Variants in ANKRD12 observed in about 807,000 individuals in gnomAD.
ANKRD12 encodes the protein ankyrin repeat domain 12.
Under a neutral mutation model 183.4 loss-of-function variants are expected in ANKRD12, and 85 were observed. The observed-to-expected ratio is 0.46, with a 90% CI of 0.39 to 0.56. ANKRD12 has a LOEUF of 0.56. Ranked by LOEUF, ANKRD12 falls within the 20% of genes least tolerant of loss-of-function variation. The pLI, the probability that ANKRD12 is intolerant of heterozygous loss-of-function variation, is 0.00. For missense variants in ANKRD12, 2,405 were observed against 2,357.1 expected, an observed-to-expected ratio of 1.02 and a Z score of -0.42; for synonymous variants, 914 against 800.2, an observed-to-expected ratio of 1.14 and a Z score of -2.40.
chr18:9,177,513 A>G (rs1037470502), intron 1 of ANKRD12, among the ~76,000 whole-genome samples: 4 of 152,164 alleles, frequency 2.6e-5, no homozygotes, highest in African/African-American at 9.7e-5. Flanking sequence ...TAGAACATGT[A>G]ATGATCGAGT....
chr18:9,145,400 T>G (rs1391098443), intron 1 of ANKRD12, among the ~76,000 whole-genome samples: 1 of 152,228 alleles, frequency 6.6e-6, no homozygotes, highest in African/African-American at 2.4e-5. Flanking sequence ...AAGATACAAG[T>G]GAAGGCAATA....
chr18:9,216,910 A>G lies in ANKRD12; in HGVS notation c.795+10A>G. On this transcript the variant is annotated intron_variant, in intron 7 of 12. Transcript: ENST00000262126. Reference sequence around the variant, plus strand: ...TAGTGGGCACAGAGATGTAAGTATGATAGAAAAAAATCAATAATACACATT... The same window carrying G: ...TAGTGGGCACAGAGATGTAAGTATGGTAGAAAAAAATCAATAATACACATT... 6.2e-7 allele frequency: 1 copy of G among 1,606,872 alleles called. No individual in the cohort carries two copies. Among genetic ancestry groups the G allele is most frequent in the Non-Finnish European group, 8.5e-7 (1 of 1,177,904 alleles).
chr18:9,279,572 G>A lies in ANKRD12; in HGVS notation c.5931G>A (p.Val1977=). The A allele has an allele frequency of 6.2e-7, 1 of 1,602,982 alleles. No individual in the cohort carries two copies. Among genetic ancestry groups the A allele is most frequent in the African/African-American group, 1.3e-5 (1 of 74,416 alleles). Residue 1977 remains valine, a synonymous_variant, in exon 12 of 13, where the codon GTG becomes GTA. Transcript: ENST00000262126. ...DSQSDDSKTS[V]RDRFNARQFM... ...AGTCTGATGACAGTAAAACTTCTGT[G>A]AGGGATCGCTTTAATGCAAGACAAT...
At chr18:9,175,825 G>C (rs1181453004) in intron 1 of ANKRD12, among the ~76,000 whole-genome samples, 1 of 152,036 alleles carries the variant, frequency 6.6e-6, no homozygotes. Context: ...ACCACATTCA[G>C]CCAAAACCTC....
intron 8 of ANKRD12, among the ~76,000 whole-genome samples, chr18:9,243,970 G>A (rs940560572): frequency 4.6e-5 from 7 of 152,080 alleles, no homozygotes; most frequent in Admixed American, 1.3e-4. Context: ...ACCGGTTTCC[G>A]TCTCTACTAA....
intron 8 of ANKRD12, among the ~76,000 whole-genome samples, chr18:9,245,806 TAAAG>T (rs1368990805): frequency 6.6e-6 from 1 of 152,148 alleles, no homozygotes; most frequent in Non-Finnish European, 1.5e-5. Flanking sequence ...AATCATGAAA[TAAAG>T]ATAGAAGTAG....
chr18:9,219,933 A>G (rs1384542259), intron 7 of ANKRD12, among the ~76,000 whole-genome samples: 4 of 152,186 alleles, frequency 2.6e-5, no homozygotes, highest in East Asian at 1.9e-4. Context: ...GAATATGGAG[A>G]TAAGTATCAG....
At chr18:9,236,702 A>C (rs2037367734) in intron 8 of ANKRD12, among the ~76,000 whole-genome samples, 1 of 152,222 alleles carries the variant, frequency 6.6e-6, no homozygotes, top group Non-Finnish European at 1.5e-5. Flanking sequence ...AGAAAAACAG[A>C]TGGAAGATAG....
chr18:9,225,522 G>A (rs527556347), intron 8 of ANKRD12, among the ~76,000 whole-genome samples: 8 of 149,598 alleles, frequency 5.3e-5, no homozygotes, highest in East Asian at 2.0e-4. Flanking sequence ...GATAACATAC[G>A]TATTAATGTA....
intron 4 of ANKRD12, among the ~76,000 whole-genome samples, chr18:9,207,312 A>G (rs535514109): frequency 2.6e-5 from 4 of 152,236 alleles, no homozygotes; most frequent in Non-Finnish European, 4.4e-5. Context: ...TGAAAAGATT[A>G]TACTGGAAAA....
intron 5 of ANKRD12, 50 bp from the exon 6 acceptor site, chr18:9,211,534 A>G (rs1302949893): frequency 6.7e-7 from 1 of 1,493,188 alleles, no homozygotes; most frequent in Non-Finnish European, 9.3e-7. Context: ...TTAAATAAGT[A>G]TACAGAATAT....
At chr18:9,192,930 C>G (rs187823822) in intron 2 of ANKRD12, among the ~76,000 whole-genome samples, 1 of 151,696 alleles carries the variant, frequency 6.6e-6, no homozygotes, top group Non-Finnish European at 1.5e-5. Flanking sequence ...GTGATCCATC[C>G]GCCTCAGCCT....
chr18:9,263,330 T>A (rs181575139), intron 9 of ANKRD12, among the ~76,000 whole-genome samples: 326 of 152,354 alleles, frequency 2.1e-3, no homozygotes, highest in Non-Finnish European at 2.1e-3. Context: ...CATCTGCTTT[T>A]ATAAAAGAAT....
At chr18:9,251,792 C>CA (rs1187636473) in intron 8 of ANKRD12, among the ~76,000 whole-genome samples, 2 of 150,176 alleles carry the variant, frequency 1.3e-5, no homozygotes, top group African/African-American at 2.4e-5. Context: ...GACTCCATCT[C>CA]AAAAAAAAGA....
At chr18:9,251,617 A>G (rs1198104458) in intron 8 of ANKRD12, among the ~76,000 whole-genome samples, 2 of 152,058 alleles carry the variant, frequency 1.3e-5, no homozygotes, top group Admixed American at 1.3e-4. Context: ...AACATGGTGA[A>G]ACCCTGTCTC....
intron 1 of ANKRD12, among the ~76,000 whole-genome samples, chr18:9,141,271 G>T (rs2078305806): frequency 6.6e-6 from 1 of 152,106 alleles, no homozygotes; most frequent in Non-Finnish European, 1.5e-5. Flanking sequence ...ATTCTTACCA[G>T]ATACAGAAAG....
intron 6 of ANKRD12, among the ~76,000 whole-genome samples, chr18:9,212,837 C>T (rs183717882): frequency 1.3e-5 from 2 of 151,818 alleles, no homozygotes; most frequent in African/African-American, 4.8e-5. Flanking sequence ...TTTTCATGAT[C>T]AGTAGTGATG....
intron 7 of ANKRD12, among the ~76,000 whole-genome samples, chr18:9,219,167 A>G (rs769822070): frequency 2.6e-5 from 4 of 152,176 alleles, no homozygotes; most frequent in Non-Finnish European, 5.9e-5. Context: ...AACCAGCTGT[A>G]CCTGATTCTG....
intron 1 of ANKRD12, among the ~76,000 whole-genome samples, chr18:9,157,628 A>T (rs1598411218): frequency 9.0e-6 from 1 of 110,726 alleles, no homozygotes; most frequent in African/African-American, 3.9e-5. Context: ...TTTGAGATGG[A>T]GTCTTGCTCT....
Sources: gnomAD v4.1 joint callset for allele counts (sites outside exome capture counted in the v4.1 genomes callset) on GRCh38, gnomAD v4.1.1 for gene constraint, MANE v1.5 for transcripts, NCBI Gene and HGNC (gene_info 2026-07-23, HGNC 2026-07-21) for gene names.